Variants in CPNE4 observed in about 807,000 individuals in gnomAD.
The protein encoded by CPNE4 is copine 4.
A neutral mutation model predicts 67.9 loss-of-function variants in CPNE4; 25 were observed. The ratio of observed to expected loss-of-function variants is 0.37; its 90% CI spans 0.27 to 0.51. CPNE4 has a LOEUF of 0.51. Among genes scored for constraint, CPNE4 ranks in the 20% least tolerant of loss-of-function variants. The pLI, the probability that CPNE4 is intolerant of heterozygous loss-of-function variation, is 0.93. For synonymous variants in CPNE4, 242 were observed against 244.9 expected, an observed-to-expected ratio of 0.99 and a Z score of 0.11; for missense variants, 464 against 690.8, an observed-to-expected ratio of 0.67 and a Z score of 3.68.
chr3:131,815,812 C>A (rs2084715855), intron 2 of CPNE4, among the ~76,000 whole-genome samples: 1 of 152,162 alleles, frequency 6.6e-6, no homozygotes, highest in Non-Finnish European at 1.5e-5. Context: ...AACCAGTGAC[C>A]ACAGACATCT....
chr3:131,721,398 C>CATT (rs57350854), intron 3 of CPNE4, among the ~76,000 whole-genome samples: 24,074 of 128,194 alleles, frequency 0.19, 2,639 homozygotes, highest in South Asian at 0.26. Context: ...ACGGATCTAC[C>CATT]TTTTTTTTTT....
chr3:131,541,827 C>T lies in CPNE4; in HGVS notation c.1539+730G>A, dbSNP rs534722127. On this transcript the variant is annotated intron_variant, in intron 15 of 15. Coordinates refer to ENST00000429747, the MANE Select transcript of CPNE4 (RefSeq NM_130808.3). Reference sequence around the variant, plus strand: ...CTGGGATTACAGGCGCCTGCCACCACGCCCAGCTAATTTTTGTATTTTTAG... The same window carrying T: ...CTGGGATTACAGGCGCCTGCCACCATGCCCAGCTAATTTTTGTATTTTTAG... Among the ~76,000 whole-genome samples the T allele has an allele frequency of 4.2e-3, 642 of 152,026 alleles. 6 individuals are homozygous for T. Among genetic ancestry groups the T allele is most frequent in the African/African-American group, 0.014 (582 of 41,486 alleles).
At chr3:131,656,388 T>C (rs549151460) in intron 7 of CPNE4, among the ~76,000 whole-genome samples, 3 of 152,300 alleles carry the variant, frequency 2.0e-5, no homozygotes, top group Non-Finnish European at 4.4e-5. Context: ...ACCTAATCAC[T>C]AGCATCGATA....
intron 7 of CPNE4, among the ~76,000 whole-genome samples, chr3:131,597,444 G>A (rs1461046369): frequency 2.0e-5 from 3 of 152,120 alleles, no homozygotes; most frequent in East Asian, 1.9e-4. Context: ...CATGTAACCC[G>A]GAACTTAAAG....
intron 1 of CPNE4, among the ~76,000 whole-genome samples, chr3:131,919,723 G>A (rs536098955): frequency 1.1e-4 from 16 of 152,224 alleles, no homozygotes; most frequent in African/African-American, 2.6e-4. Context: ...CAGAAATAGC[G>A]TCAACCTATA....
rs189488063 is a variant in CPNE4 at position 132,030,767 on chromosome 3, C to T, written c.-2+3800G>A. On this transcript the variant is annotated intron_variant, in intron 1 of 15. Transcript: ENST00000429747. ...TCATACAGCAAACAGAAAGCTCCCA[C>T]ATAACTGCAGTTTCTAGTACAGAAA... is the stretch of plus-strand genomic sequence containing the variant. 2.4e-4 allele frequency among the ~76,000 whole-genome samples: 37 copies of T among 152,302 alleles called. No homozygotes were observed. In the East Asian group the frequency reaches 6.6e-3, roughly 27 times the overall value.
At chr3:132,036,729 T>C (rs2074345717), upstream of CPNE4, among the ~76,000 whole-genome samples, 1 of 152,240 alleles carries the variant, frequency 6.6e-6, no homozygotes, top group Non-Finnish European at 1.5e-5. Flanking sequence ...TGTCGTCTTG[T>C]TCATAATTAT....
chr3:131,883,152 A>G lies in CPNE4; in HGVS notation c.180+22112T>C, dbSNP rs570947592. On this transcript the variant is annotated intron_variant, in intron 2 of 15. Transcript: ENST00000429747. ...TAGAGCTGGAACTCAAAGTATAGAC[A>G]GTCTGTGACTGAAGTTACACTGTAC... Among the ~76,000 whole-genome samples the G allele has an allele frequency of 5.9e-5, 9 of 152,326 alleles. No homozygotes were observed. The South Asian group carries it at 1.5e-3, about 25-fold the overall frequency.
intron 1 of CPNE4, among the ~76,000 whole-genome samples, chr3:131,939,244 C>T (rs1583481882): frequency 6.6e-6 from 1 of 151,686 alleles, no homozygotes; most frequent in Admixed American, 6.6e-5. Context: ...ATAGTATATC[C>T]AAACAATGGA....
chr3:131,732,241 T>C (rs560191822), intron 2 of CPNE4, among the ~76,000 whole-genome samples: 1 of 152,312 alleles, frequency 6.6e-6, no homozygotes, highest in South Asian at 2.1e-4. Context: ...ACATAAGGAA[T>C]GAATGAAAGA....
intron 1 of CPNE4, among the ~76,000 whole-genome samples, chr3:131,928,188 C>A (rs1454173723): frequency 1.3e-5 from 2 of 152,060 alleles, no homozygotes; most frequent in Admixed American, 6.6e-5. Flanking sequence ...AATGTGTAAA[C>A]ATGAGTTCTT....
chr3:131,676,287 G>T (rs1020903700), intron 6 of CPNE4, among the ~76,000 whole-genome samples: 11 of 151,932 alleles, frequency 7.2e-5, no homozygotes, highest in African/African-American at 2.7e-4. Context: ...TCCAACTCCT[G>T]GTCTCAAGTG....
intron 9 of CPNE4, among the ~76,000 whole-genome samples, chr3:131,580,806 C>T (rs748631404): frequency 9.9e-5 from 15 of 152,100 alleles, no homozygotes; most frequent in Admixed American, 4.6e-4. Context: ...GGAAGGAATT[C>T]GTAAGCCCTT....
rs573700551 is a variant in CPNE4 at position 131,857,359 on chromosome 3, C to T, written c.180+47905G>A. On this transcript the variant is annotated intron_variant, in intron 2 of 15. Coordinates refer to ENST00000429747, the MANE Select transcript of CPNE4 (RefSeq NM_130808.3). ...GGTAAACGTGAAGAGTGGGTTCCTG[C>T]AGCAGTTTCATCATTCACTGTTTGG... Among the ~76,000 whole-genome samples the T allele has an allele frequency of 9.6e-4, 146 of 152,132 alleles. 1 individual carries two copies. Among genetic ancestry groups the T allele is most frequent in the African/African-American group, 3.3e-3 (139 of 41,536 alleles).
chr3:131,964,062 C>A (rs968279690), intron 1 of CPNE4, among the ~76,000 whole-genome samples: 1 of 152,170 alleles, frequency 6.6e-6, no homozygotes, highest in African/African-American at 2.4e-5. Context: ...GCAGCCTCCA[C>A]TGGTGATACC....
At chr3:132,031,300 G>A (rs1350720077) in intron 1 of CPNE4, among the ~76,000 whole-genome samples, 1 of 152,122 alleles carries the variant, frequency 6.6e-6, no homozygotes, top group Non-Finnish European at 1.5e-5. Flanking sequence ...ATGACTTTGG[G>A]TTACTGAATG....
At chr3:131,595,832 C>T (rs1012449135) in intron 7 of CPNE4, among the ~76,000 whole-genome samples, 3 of 152,128 alleles carry the variant, frequency 2.0e-5, no homozygotes, top group African/African-American at 7.2e-5. Flanking sequence ...AATATCCAAA[C>T]CATATCAGGG....
chr3:131,654,147 G>C (rs1271206443), intron 7 of CPNE4, among the ~76,000 whole-genome samples: 2 of 152,132 alleles, frequency 1.3e-5, no homozygotes, highest in Non-Finnish European at 2.9e-5. Flanking sequence ...TGAATCCAAG[G>C]TTGAGATCCA....
intron 1 of CPNE4, among the ~76,000 whole-genome samples, chr3:131,934,598 G>A (rs1462639304): frequency 1.3e-5 from 2 of 152,036 alleles, no homozygotes; most frequent in South Asian, 2.1e-4. Flanking sequence ...AGTGTGTGAT[G>A]TTCCCCTCCC....
Sources: allele counts gnomAD v4.1 joint callset (sites outside exome capture counted in the v4.1 genomes callset), GRCh38; gene constraint gnomAD v4.1.1; transcripts MANE v1.5; gene names NCBI Gene and HGNC (gene_info 2026-07-23, HGNC 2026-07-21).